The following FOXP1 variants were observed in gnomAD, a reference collection of about 807,000 sequenced individuals.
FOXP1 encodes the protein forkhead box P1.
A neutral mutation model predicts 98.2 loss-of-function variants in FOXP1; 15 were observed. That is an observed-to-expected ratio of 0.15 (90% CI 0.10 to 0.24). The LOEUF is 0.24. Ranked by LOEUF, FOXP1 falls within the 10% of genes least tolerant of loss-of-function variation. The pLI, the probability that FOXP1 is intolerant of heterozygous loss-of-function variation, is 1.00. For synonymous variants in FOXP1, 371 were observed against 314.5 expected (o/e 1.18, Z -1.90); for missense variants, 633 against 848.5 (o/e 0.75, Z 3.15).
At chr3:71,143,875 A>G (rs924007964) in intron 6 of FOXP1, among the ~76,000 whole-genome samples, 1 of 152,230 alleles carries the variant, frequency 6.6e-6, no homozygotes, top group Non-Finnish European at 1.5e-5. Context: ...TTGTCCCTCC[A>G]AGGGAATTTG....
intron 5 of FOXP1, among the ~76,000 whole-genome samples, chr3:71,235,131 G>GA (rs11292668): frequency 2.6e-5 from 4 of 151,052 alleles, no homozygotes; most frequent in East Asian, 3.9e-4. Flanking sequence ...TTCTGATGGG[G>GA]AAAAAAAAAA....
intron 6 of FOXP1, among the ~76,000 whole-genome samples, chr3:71,178,254 T>A (rs1476546665): frequency 6.7e-6 from 1 of 149,664 alleles, no homozygotes; most frequent in East Asian, 2.0e-4. Context: ...CCTGCCTCAG[T>A]CTCCCAAGTA....
chr3:71,327,470 C>G (rs1035747936), intron 4 of FOXP1, among the ~76,000 whole-genome samples: 2 of 146,532 alleles, frequency 1.4e-5, no homozygotes, highest in Admixed American at 1.4e-4. Flanking sequence ...TCACTGCAAG[C>G]TCCGCCTCCC....
chr3:71,567,272 T>C (rs1247206942), intron 2 of FOXP1, among the ~76,000 whole-genome samples: 2 of 152,128 alleles, frequency 1.3e-5, no homozygotes, highest in African/African-American at 2.4e-5. Context: ...GTGTTTACCA[T>C]GAGCCAACAC....
At chr3:71,404,308 G>A (rs1336722371) in intron 3 of FOXP1, among the ~76,000 whole-genome samples, 1 of 151,456 alleles carries the variant, frequency 6.6e-6, no homozygotes, top group Non-Finnish European at 1.5e-5. Context: ...TGTATTTTTA[G>A]TAGAGACAGG....
At chr3:70,983,788 G>C (rs2039278813) in intron 14 of FOXP1, among the ~76,000 whole-genome samples, 1 of 152,166 alleles carries the variant, frequency 6.6e-6, no homozygotes, top group Non-Finnish European at 1.5e-5. Context: ...AGTGTGAAAA[G>C]TCTTTTTAAG....
intron 3 of FOXP1, among the ~76,000 whole-genome samples, chr3:71,438,018 G>A (rs2085538530): frequency 6.6e-6 from 1 of 152,194 alleles, no homozygotes; most frequent in South Asian, 2.1e-4. Flanking sequence ...CAGAAGAAAT[G>A]TATTTATGTG....
chr3:71,198,027 A>G, intron 6 of FOXP1, 175 bp downstream of exon 6: 1 of 1,614,264 alleles, frequency 6.2e-7, no homozygotes, highest in African/African-American at 1.3e-5. Flanking sequence ...TCTTAAGCCA[A>G]CTGCTGGGAC....
chr3:71,225,145 C>A (rs1336857882), intron 5 of FOXP1, among the ~76,000 whole-genome samples: 2 of 152,228 alleles, frequency 1.3e-5, no homozygotes, highest in African/African-American at 4.8e-5. Flanking sequence ...AAGGCACTAG[C>A]TGGGAGGCGG....
intron 3 of FOXP1, among the ~76,000 whole-genome samples, chr3:71,436,265 C>G (rs1212184095): frequency 6.6e-6 from 1 of 152,060 alleles, no homozygotes; most frequent in African/African-American, 2.4e-5. Flanking sequence ...TTCACAATCC[C>G]TCTGAGATCA....
chr3:71,288,817 AT>A lies in FOXP1; in HGVS notation c.-12+11002del, dbSNP rs1238197736. On this transcript the variant is annotated intron_variant, in intron 5 of 20. Coordinates refer to ENST00000649528, the MANE Select transcript of FOXP1 (RefSeq NM_001349338.3). ...CTGAACAATTACTATTCCTGGAAAA[AT>A]AATACAAACCATGTAAGTTCAGCCA... Among the ~76,000 whole-genome samples, 5 of 152,310 alleles carry A rather than the reference AT, an allele frequency of 3.3e-5. No individual in the cohort carries two copies. In the East Asian group the frequency reaches 9.7e-4, roughly 29 times the overall value.
chr3:71,514,209 C>T (rs2042399763), intron 2 of FOXP1, among the ~76,000 whole-genome samples: 2 of 152,202 alleles, frequency 1.3e-5, no homozygotes, highest in South Asian at 4.1e-4. Context: ...CATGACTTGC[C>T]CCCAACCATA....
chr3:71,396,974 ATATATATGTG>A lies in FOXP1; in HGVS notation c.-167-37740_-167-37731del, dbSNP rs1269351504. Among the ~76,000 whole-genome samples the A allele has an allele frequency of 2.8e-3, 164 of 58,244 alleles. 8 individuals are homozygous for A. Among genetic ancestry groups the A allele is most frequent in the African/African-American group, 0.011 (151 of 13,426 alleles). The allele number at this position is 58,244 out of a possible 152,430, so 38.2% of individuals were successfully genotyped here. A position where few individuals can be genotyped will look rare whatever the true frequency, so the allele number is the denominator to read the frequency against. On this transcript the variant is annotated intron_variant, in intron 3 of 20. Transcript: ENST00000649528. ...TGTATATATATATATGTGTGTATATATATATATGTGTATATATATACACATATATATGTGT... is the reference window on the plus strand; with the variant it reads ...TGTATATATATATATGTGTGTATATATATATATATACACATATATATGTGT...
intron 3 of FOXP1, among the ~76,000 whole-genome samples, chr3:71,473,482 A>G (rs1047633798): frequency 2.0e-5 from 3 of 152,154 alleles, no homozygotes; most frequent in Non-Finnish European, 4.4e-5. Context: ...CATTGTCAAA[A>G]TATTGTCCCA....
At position 71,353,579 on chromosome 3, in the gene FOXP1, T is replaced by C. The variant is rs553510854; in HGVS notation, c.-73+5571A>G. 4.6e-5 allele frequency among the ~76,000 whole-genome samples: 7 copies of C among 152,356 alleles called. No individual in the cohort carries two copies. The South Asian group carries it at 1.5e-3, about 32-fold the overall frequency. ...TAACCACGTTTGATGCCTTAAACTA[T>C]ATTTTAATCATGTCCTTTTATTGTT... On this transcript the variant is annotated intron_variant, in intron 4 of 20. Transcript: ENST00000649528.
chr3:71,341,063 G>A (rs1414080329), intron 4 of FOXP1, among the ~76,000 whole-genome samples: 2 of 152,092 alleles, frequency 1.3e-5, no homozygotes, highest in African/African-American at 4.8e-5. Flanking sequence ...ACAGAATGAG[G>A]CAGAAGATCA....
intron 7 of FOXP1, among the ~76,000 whole-genome samples, chr3:71,069,253 A>T (rs1432377393): frequency 1.3e-5 from 2 of 152,224 alleles, no homozygotes; most frequent in South Asian, 2.1e-4. Flanking sequence ...GCTTCTGGTT[A>T]ATTTGTATAT....
chr3:71,103,718 C>T (rs2057179180), intron 7 of FOXP1, among the ~76,000 whole-genome samples: 2 of 151,882 alleles, frequency 1.3e-5, no homozygotes, highest in South Asian at 4.1e-4. Context: ...AAAGACACAC[C>T]AAAAGAAAAA....
At chr3:71,566,624 CAG>C (rs1331604804) in intron 2 of FOXP1, among the ~76,000 whole-genome samples, 1 of 152,220 alleles carries the variant, frequency 6.6e-6, no homozygotes, top group Non-Finnish European at 1.5e-5. Flanking sequence ...AGAAGCCCAA[CAG>C]GGGATCACGC....
Sources: allele counts gnomAD v4.1 joint callset (sites outside exome capture counted in the v4.1 genomes callset), GRCh38; gene constraint gnomAD v4.1.1; transcripts MANE v1.5; gene names NCBI Gene and HGNC (gene_info 2026-07-23, HGNC 2026-07-21).